The following GDPD4 variants were observed in gnomAD, a reference collection of about 807,000 sequenced individuals.
GDPD4 encodes the protein glycerophosphodiester phosphodiesterase 6.
A neutral mutation model predicts 67.8 loss-of-function variants in GDPD4; 60 were observed. The observed-to-expected ratio is 0.88, with a 90% CI of 0.72 to 1.10. The LOEUF (loss-of-function observed/expected upper bound fraction) is 1.10. Among genes scored for constraint, GDPD4 ranks in the 50% least tolerant of loss-of-function variants. The pLI is 0.00. For synonymous variants in GDPD4, 212 were observed against 210.9 expected (o/e 1.00, Z -0.04); for missense variants, 623 against 613.9 (o/e 1.01, Z -0.16).
chr11:77,259,808 A>G lies in GDPD4; in HGVS notation c.708-1266T>C, dbSNP rs549675782. On this transcript the variant is annotated intron_variant, in intron 10 of 16. Coordinates refer to ENST00000315938, the MANE Select transcript of GDPD4 (RefSeq NM_182833.3). ...GTTCCAAGAAAATATGCAAAAGTCCATAAGTGTATGGCTAAATATCAATCT... is the reference window on the plus strand; with the variant it reads ...GTTCCAAGAAAATATGCAAAAGTCCGTAAGTGTATGGCTAAATATCAATCT... Among the ~76,000 whole-genome samples, 55 of 152,362 alleles carry G rather than the reference A, an allele frequency of 3.6e-4. No individual in the cohort carries two copies. The South Asian group carries it at 3.9e-3, about 11-fold the overall frequency.
chr11:77,223,358 A>G (rs978285820), intron 16 of GDPD4, among the ~76,000 whole-genome samples: 1 of 152,094 alleles, frequency 6.6e-6, no homozygotes, highest in African/African-American at 2.4e-5. Context: ...ATGGTGATCT[A>G]CAGATGGGGT....
Position 77,269,824 on chromosome 11 carries a change from C to T in GDPD4, c.478+59G>A, listed in dbSNP as rs1225812987. 5.5e-6 allele frequency: 5 copies of T among 901,018 alleles called. No homozygotes were observed. In the Admixed American group the frequency reaches 1.2e-4, roughly 21 times the overall value. The allele number at this position is 901,018 out of a possible 1,614,324, so 55.8% of individuals were successfully genotyped here. A position where few individuals can be genotyped will look rare whatever the true frequency, so the allele number is the denominator to read the frequency against. ...CCTCTGGGAATTTTACCCATTTGTA[C>T]ATTTTCAAGTTACCACCTTTGCTTT... is the stretch of plus-strand genomic sequence containing the variant. On this transcript the variant is annotated intron_variant, in intron 8 of 16. Transcript: ENST00000315938.
At chr11:77,224,990 G>A (rs1796622255) in intron 16 of GDPD4, among the ~76,000 whole-genome samples, 1 of 151,124 alleles carries the variant, frequency 6.6e-6, no homozygotes, top group Admixed American at 6.6e-5. Context: ...TGTGGTCCCA[G>A]ATACTAGGGA....
intron 11 of GDPD4, among the ~76,000 whole-genome samples, chr11:77,253,444 G>A (rs1403275732): frequency 6.6e-6 from 1 of 152,138 alleles, no homozygotes; most frequent in Non-Finnish European, 1.5e-5. Context: ...GGGGCAAGAA[G>A]CAGCACCATG....
rs1937756111 is a variant in GDPD4, at chr11:77,291,075, T to C, written c.-253-3655A>G. On this transcript the variant is annotated intron_variant, in intron 1 of 16. Transcript: ENST00000315938. ...CAAAAGGATACCTGCATCCCTATGT[T>C]TATTGCAGGACTACGCACAATTGCA... is the stretch of plus-strand genomic sequence containing the variant. Among the ~76,000 whole-genome samples the C allele has an allele frequency of 3.3e-5, 5 of 152,214 alleles. No homozygotes were observed. In the South Asian group the frequency reaches 8.3e-4, roughly 25 times the overall value.
rs116970193 is a variant in GDPD4 at position 77,234,738 on chromosome 11, A to G, written c.1242-1566T>C. ...TATATGTGTCACATTTTCTTTATCCAGTCCACCACTGATGGGCAGTTAGGT... is the reference window on the plus strand; with the variant it reads ...TATATGTGTCACATTTTCTTTATCCGGTCCACCACTGATGGGCAGTTAGGT... On this transcript the variant is annotated intron_variant, in intron 13 of 16. Transcript: ENST00000315938. 8.9e-3 allele frequency among the ~76,000 whole-genome samples: 1,355 copies of G among 152,310 alleles called. 58 individuals carry two copies. The East Asian group carries it at 0.1, about 12-fold the overall frequency.
At chr11:77,245,149 C>A in intron 12 of GDPD4, 132 bp downstream of exon 12, 1 of 674,578 alleles carries the variant, frequency 1.5e-6, no homozygotes, top group East Asian at 2.7e-5. Flanking sequence ...TAACAATCTT[C>A]ATTTCCATAG....
intron 16 of GDPD4, among the ~76,000 whole-genome samples, chr11:77,222,540 AGAATGTT>A (rs1958248020): frequency 6.6e-6 from 1 of 152,078 alleles, no homozygotes; most frequent in South Asian, 2.1e-4. Flanking sequence ...CTTTTCTTTA[AGAATGTT>A]GAATATTGGC....
intron 10 of GDPD4, among the ~76,000 whole-genome samples, chr11:77,262,102 G>C (rs1959130731): frequency 6.6e-6 from 1 of 152,132 alleles, no homozygotes; most frequent in African/African-American, 2.4e-5. Context: ...ACTGGTTTTA[G>C]TTCCCCTTAC....
intron 14 of GDPD4, among the ~76,000 whole-genome samples, chr11:77,231,639 C>T (rs775969228): frequency 8.6e-5 from 13 of 152,028 alleles, no homozygotes; most frequent in South Asian, 4.1e-4. Flanking sequence ...ATGAAAAAAA[C>T]GCATTCAGAA....
chr11:77,262,065 T>C (rs1487598409), intron 10 of GDPD4, among the ~76,000 whole-genome samples: 1 of 152,216 alleles, frequency 6.6e-6, no homozygotes, highest in Non-Finnish European at 1.5e-5. Context: ...AATGATCTCT[T>C]TAGCTGGCTT....
At chr11:77,239,630 G>A (rs1455488505) in intron 13 of GDPD4, among the ~76,000 whole-genome samples, 1 of 152,078 alleles carries the variant, frequency 6.6e-6, no homozygotes, top group Non-Finnish European at 1.5e-5. Flanking sequence ...ACTTTACCAA[G>A]GAGGTGAAAG....
chr11:77,257,170 C>T (rs1959017621), intron 11 of GDPD4, among the ~76,000 whole-genome samples: 1 of 152,194 alleles, frequency 6.6e-6, no homozygotes, highest in African/African-American at 2.4e-5. Flanking sequence ...TCTGCTGTCA[C>T]ATGTGCTAGC....
intron 11 of GDPD4, among the ~76,000 whole-genome samples, chr11:77,252,785 G>A (rs940236333): frequency 3.9e-5 from 6 of 152,162 alleles, no homozygotes; most frequent in South Asian, 2.1e-4. Flanking sequence ...TGCATTCAGC[G>A]TCAGCAAAAA....
chr11:77,268,511 A>G lies in GDPD4; in HGVS notation c.653T>C (p.Phe218Ser). 6.2e-7 allele frequency: 1 copy of G among 1,613,008 alleles called. No individual in the cohort carries two copies. The highest frequency in any genetic ancestry group is 1.1e-5 in the South Asian group (1 of 91,034). Residue 218 changes from phenylalanine (F) to serine (S), a missense_variant, in exon 10 of 17, where the codon TTT (phenylalanine) becomes TCT (serine). Physicochemically the swap from Phe to Ser is radical, Grantham distance 155 (BLOSUM62 -2). Transcript: ENST00000315938. ...MLGPENTMMSFEKAVEHGAHG... is the reference protein window; with the variant it reads ...MLGPENTMMSSEKAVEHGAHG... ...GGCTCCATGTTCAACAGCTTTCTCAAAGGACATCATGGTATTCTCAGGCCC... is the reference window on the plus strand; with the variant it reads ...GGCTCCATGTTCAACAGCTTTCTCAGAGGACATCATGGTATTCTCAGGCCC...
At chr11:77,253,091 T>C (rs1441847664) in intron 11 of GDPD4, among the ~76,000 whole-genome samples, 1 of 152,076 alleles carries the variant, frequency 6.6e-6, no homozygotes, top group Non-Finnish European at 1.5e-5. Context: ...TGTGGCAGAG[T>C]TGGACATAGG....
At chr11:77,267,271 T>A (rs1283433879) in intron 10 of GDPD4, among the ~76,000 whole-genome samples, 8 of 152,212 alleles carry the variant, frequency 5.3e-5, no homozygotes, top group African/African-American at 1.9e-4. Context: ...CATCTAGGTT[T>A]GTGTAAGTTC....
chr11:77,216,612 T>G lies in GDPD4; in HGVS notation c.*665A>C. The G allele has an allele frequency of 2.8e-6, 1 of 355,562 alleles. No homozygotes were observed. The highest frequency in any genetic ancestry group is 5.2e-6 in the Non-Finnish European group (1 of 193,070). 22.0% of individuals were successfully genotyped at this position (355,562 alleles called of 1,614,324 possible). A position where few individuals can be genotyped will look rare whatever the true frequency, so the allele number is the denominator to read the frequency against. On this transcript the variant is annotated 3_prime_UTR_variant, in exon 17 of 17. Transcript: ENST00000315938. ...ACAGTCACTCCTTTAGCAGAAAATA[T>G]TATGGAGGTGTTAGGATGAGATAAA...
At chr11:77,258,840 T>C (rs1296306994) in intron 10 of GDPD4, among the ~76,000 whole-genome samples, 1 of 152,114 alleles carries the variant, frequency 6.6e-6, no homozygotes, top group Non-Finnish European at 1.5e-5. Context: ...GGCCTGAAAA[T>C]AAAGTGAATG....
Sources: gnomAD v4.1 joint callset for allele counts (sites outside exome capture counted in the v4.1 genomes callset) on GRCh38, gnomAD v4.1.1 for gene constraint, MANE v1.5 for transcripts, NCBI Gene and HGNC (gene_info 2026-07-23, HGNC 2026-07-21) for gene names.